Variants in PTGDR2 observed in about 807,000 individuals in gnomAD.
PTGDR2 encodes prostaglandin D2 receptor 2.
For synonymous variants in PTGDR2, 276 were observed against 278.4 expected (o/e 0.99, Z 0.09); for missense variants, 544 against 576.6 (o/e 0.94, Z 0.58).
At chr11:60,854,189 A>T (rs982579037) in intron 1 of PTGDR2, among the ~76,000 whole-genome samples, 4 of 152,216 alleles carry the variant, frequency 2.6e-5, no homozygotes, top group Non-Finnish European at 4.4e-5. Flanking sequence ...GGGCAAGAGG[A>T]TTCTGCTGGC....
At position 60,853,414 on chromosome 11, in the gene PTGDR2, G is replaced by A. The variant is rs1236588022; in HGVS notation, c.309C>T (p.Phe103=). ...VGHSWELGTT[F]CKLHSSIFFL... is the part of the protein sequence containing the mutation. ...AGAAGATGGAGGAGTGCAGTTTGCA[G>A]AAGGTGGTGCCCAGCTCCCACGAGT... Residue 103 remains phenylalanine, a synonymous_variant, in exon 2 of 2, where the codon TTC becomes TTT. Transcript: ENST00000332539. 5.1e-6 allele frequency: 8 copies of A among 1,580,006 alleles called. No individual in the cohort carries two copies. In the African/African-American group the frequency reaches 9.4e-5, roughly 19 times the overall value.
Position 60,852,450 on chromosome 11 carries a change from TGCG to T in PTGDR2, c.*82_*84del, listed in dbSNP as rs2134807222. 1 of 1,166,726 alleles carries T rather than the reference TGCG, an allele frequency of 8.6e-7. No homozygotes were observed. Among genetic ancestry groups the T allele is most frequent in the Admixed American group, 4.2e-5 (1 of 23,636 alleles). 72.3% of individuals were successfully genotyped at this position (1,166,726 alleles called of 1,614,324 possible). On this transcript the variant is annotated 3_prime_UTR_variant, in exon 2 of 2. Transcript: ENST00000332539. ...GTCCCGCCCCTCGGACTTTGATCACTGCGGCAGGAGTCCGGATATCGAATTGAA... is the reference window on the plus strand; with the variant it reads ...GTCCCGCCCCTCGGACTTTGATCACTGCAGGAGTCCGGATATCGAATTGAA...
Position 60,852,159 on chromosome 11 carries a change from C to T in PTGDR2, c.*376G>A. 4.5e-6 allele frequency: 1 copy of T among 221,506 alleles called. No individual in the cohort carries two copies. Among genetic ancestry groups the T allele is most frequent in the Non-Finnish European group, 8.8e-6 (1 of 113,568 alleles). The allele number at this position is 221,506 out of a possible 1,614,324, so 13.7% of individuals were successfully genotyped here. On this transcript the variant is annotated 3_prime_UTR_variant, in exon 2 of 2. Transcript: ENST00000332539. ...CACCCCGTGTGCCCTTCCGACTCCA[C>T]TGCCCTAGAGTGGGAAGTCTATTAT...
In PTGDR2 at chr11:60,852,946, C is replaced by T. The variant is rs1217558920; in HGVS notation, c.777G>A (p.Trp259Ter). Residue 259 changes from tryptophan (W) to a stop codon, truncating the protein, a stop_gained, in exon 2 of 2, where the codon TGG becomes TGA. Coordinates refer to ENST00000332539, the MANE Select transcript of PTGDR2 (RefSeq NM_004778.3). LOFTEE classifies it low-confidence loss of function (END_TRUNC). ...GCAGGCTGAACACGTGGTAGGGCCC[C>T]CAGCAGAGCGCGAAGGCGGCCACGA... Reference protein sequence around the residue: ...AAVVAAFALCWGPYHVFSLLE... With the variant: ...AAVVAAFALC 6.8e-7 allele frequency: 1 copy of T among 1,461,042 alleles called. No individual in the cohort carries two copies. Among genetic ancestry groups the T allele is most frequent in the Non-Finnish European group, 9.1e-7 (1 of 1,103,440 alleles). The allele number at this position is 1,461,042 out of a possible 1,614,324, so 90.5% of individuals were successfully genotyped here.
chr11:60,852,698 C>T lies in PTGDR2; in HGVS notation c.1025G>A (p.Arg342His), dbSNP rs374184117. The T allele has an allele frequency of 9.7e-5, 140 of 1,436,958 alleles. No individual in the cohort carries two copies. The African/African-American group carries it at 1.7e-3, about 17-fold the overall frequency. 89.0% of individuals were successfully genotyped at this position (1,436,958 alleles called of 1,614,324 possible). Reference protein sequence around the residue: ...ELGGAGSSRRRRTSSTARSAS... With the variant: ...ELGGAGSSRRHRTSSTARSAS... ...CGAGCGGGCGGTGGAGGAGGTGCGG[C>T]GGCGGCGGCTGCTTCCCGCGCCACC... is the stretch of plus-strand genomic sequence containing the variant. The change falls in exon 2 of 2, where the codon CGC (arginine) becomes CAC (histidine). Residue 342 changes from arginine to histidine, a missense_variant. Arg to His is a conservative substitution (Grantham distance 29). Coordinates refer to ENST00000332539, the MANE Select transcript of PTGDR2 (RefSeq NM_004778.3).
In PTGDR2 at chr11:60,853,307, G is replaced by A; in HGVS notation, c.416C>T (p.Ala139Val). The change falls in exon 2 of 2, where the codon GCG becomes GTG. Residue 139 changes from alanine to valine, a missense_variant. Ala to Val is a moderately conservative substitution (Grantham distance 64). Transcript: ENST00000332539. ...RCLQVVRPVW[A>V]QNHRTVAAAH... ...CGCGGCCACGGTGCGGTGGTTCTGC[G>A]CCCACACCGGCCGCACCACCTGCAG... is the stretch of plus-strand genomic sequence containing the variant. 1 of 1,611,086 alleles carries A rather than the reference G, an allele frequency of 6.2e-7. No individual in the cohort carries two copies. Among genetic ancestry groups the A allele is most frequent in the Non-Finnish European group, 8.5e-7 (1 of 1,179,010 alleles).
At chr11:60,853,785 A>G in intron 1 of PTGDR2, 54 bp from the exon 2 acceptor site, 2 of 1,399,154 alleles carry the variant, frequency 1.4e-6, no homozygotes, top group Non-Finnish European at 1.9e-6. Flanking sequence ...CCACCGGGGA[A>G]CCAAGAGAGA....
rs775509039 is a variant in PTGDR2 at position 60,853,630 on chromosome 11, G to T, written c.93C>A (p.Ile31=). Residue 31 remains isoleucine (I), a synonymous_variant, in exon 2 of 2, where the codon ATC becomes ATA. Transcript: ENST00000332539. Reference sequence around the variant, plus strand: ...CGTGCAGCAGCACGGCCGCGTGGTCGATGTAGCGGATGCTGGTGTTGCTGT... The same window carrying T: ...CGTGCAGCAGCACGGCCGCGTGGTCTATGTAGCGGATGCTGGTGTTGCTGT... ...QSHSNTSIRY[I]DHAAVLLHGL... is the part of the protein sequence containing the mutation. 1 of 1,556,864 alleles carries T rather than the reference G, an allele frequency of 6.4e-7. No individual in the cohort carries two copies. The highest frequency in any genetic ancestry group is 8.7e-7 in the Non-Finnish European group (1 of 1,149,902).
Position 60,852,762 on chromosome 11 carries a change from T to G in PTGDR2, c.961A>C (p.Thr321Pro). 6.5e-7 allele frequency: 1 copy of G among 1,541,566 alleles called. No homozygotes were observed. Among genetic ancestry groups the G allele is most frequent in the Non-Finnish European group, 8.7e-7 (1 of 1,143,940 alleles). ...TCCACCAGCACGCTCTCCAGCACCG[T>G]GCGCAGCGAGCGCCGCAGCTTGCGC... is the stretch of plus-strand genomic sequence containing the variant. ...MLRKLRRSLRTVLESVLVDDS... is the reference protein window; with the variant it reads ...MLRKLRRSLRPVLESVLVDDS... Residue 321 changes from threonine (T) to proline (P), a missense_variant, in exon 2 of 2, where the codon ACG becomes CCG. Coordinates refer to ENST00000332539, the MANE Select transcript of PTGDR2 (RefSeq NM_004778.3).
In PTGDR2 at chr11:60,852,937, G is replaced by A. The variant is rs1347222151; in HGVS notation, c.786C>T (p.Tyr262=). 4 of 1,495,972 alleles carry A rather than the reference G, an allele frequency of 2.7e-6. No individual in the cohort carries two copies. The highest frequency in any genetic ancestry group is 2.7e-5 in the East Asian group (1 of 36,442). The allele number at this position is 1,495,972 out of a possible 1,614,324, so 92.7% of individuals were successfully genotyped here. A position where few individuals can be genotyped will look rare whatever the true frequency, so the allele number is the denominator to read the frequency against. ...GCGCCTCCAGCAGGCTGAACACGTGGTAGGGCCCCCAGCAGAGCGCGAAGG... is the reference window on the plus strand; with the variant it reads ...GCGCCTCCAGCAGGCTGAACACGTGATAGGGCCCCCAGCAGAGCGCGAAGG... ...VAAFALCWGP[Y]HVFSLLEARA... is the part of the protein sequence containing the mutation. The change falls in exon 2 of 2, where the codon TAC becomes TAT. Residue 262 remains tyrosine, a synonymous_variant. Transcript: ENST00000332539.
rs892604376 is a variant in PTGDR2 at position 60,854,328 on chromosome 11, G to C, written c.-9-597C>G. Among the ~76,000 whole-genome samples the C allele has an allele frequency of 5.9e-5, 9 of 152,334 alleles. No homozygotes were observed. In the East Asian group the frequency reaches 1.5e-3, roughly 26 times the overall value. The stretch of plus-strand genomic sequence containing the variant: ...GTTAGATGTGCCGACCATAAACAGT[G>C]GAACCAGCCCCTCCTCTGATGGTTG... On this transcript the variant is annotated intron_variant, in intron 1 of 1. Transcript: ENST00000332539.
Position 60,853,210 on chromosome 11 carries a change from G to A in PTGDR2, c.513C>T (p.Asp171=), listed in dbSNP as rs1855307221. 2 of 1,612,538 alleles carry A rather than the reference G, an allele frequency of 1.2e-6. No individual in the cohort carries two copies. Among genetic ancestry groups the A allele is most frequent in the Non-Finnish European group, 1.7e-6 (2 of 1,179,900 alleles). The change falls in exon 2 of 2, where the codon GAC becomes GAT. Residue 171 remains aspartate, a synonymous_variant. Coordinates refer to ENST00000332539, the MANE Select transcript of PTGDR2 (RefSeq NM_004778.3). ...TGCGCCCGTCCAGCCGCGAGATGGT[G>A]TCCCGGAACACGAAATAGGGCACCG... ...LNTVPYFVFR[D]TISRLDGRIM...
Position 60,853,372 on chromosome 11 carries a change from G to A in PTGDR2, c.351C>T (p.Ala117=), listed in dbSNP as rs1377940242. The change falls in exon 2 of 2, where the codon GCC becomes GCT. Residue 117 remains alanine (A), a synonymous_variant. Transcript: ENST00000332539. ...HSSIFFLNMF[A]SGFLLSAISL... is the part of the protein sequence containing the mutation. ...TGATGGCGCTGAGCAGGAAGCCGCTGGCGAACATGTTGAGAAAGAAGATGG... is the reference window on the plus strand; with the variant it reads ...TGATGGCGCTGAGCAGGAAGCCGCTAGCGAACATGTTGAGAAAGAAGATGG... The A allele has an allele frequency of 6.2e-7, 1 of 1,600,988 alleles. No homozygotes were observed. Among genetic ancestry groups the A allele is most frequent in the Admixed American group, 1.7e-5 (1 of 58,070 alleles).
rs1484311831 is a variant in PTGDR2 at position 60,851,384 on chromosome 11, C to T, written c.*1151G>A. The T allele has an allele frequency of 6.6e-6, 1 of 152,242 alleles. No homozygotes were observed. The highest frequency in any genetic ancestry group is 6.5e-5 in the Admixed American group (1 of 15,286). The allele number at this position is 152,242 out of a possible 1,614,324, so 9.4% of individuals were successfully genotyped here. ...AGAGCTCAAACACAGCAGTCTCTGA[C>T]CCCAAGTCCACGGCAGGTGGAGGAA... On this transcript the variant is annotated 3_prime_UTR_variant, in exon 2 of 2. Transcript: ENST00000332539.
rs1182239552 is a variant in PTGDR2 at position 60,850,934 on chromosome 11, C to T, written c.*1601G>A. On this transcript the variant is annotated 3_prime_UTR_variant, in exon 2 of 2. Coordinates refer to ENST00000332539, the MANE Select transcript of PTGDR2 (RefSeq NM_004778.3). The stretch of plus-strand genomic sequence containing the variant: ...CCCAGAGAATCTAACTCATGCCTGT[C>T]CAGTCTACAGCAAAAATATTTATTG... The T allele has an allele frequency of 1.3e-5, 2 of 152,408 alleles. No homozygotes were observed. The highest frequency in any genetic ancestry group is 3.8e-4 in the East Asian group (2 of 5,202). The allele number at this position is 152,408 out of a possible 1,614,324, so 9.4% of individuals were successfully genotyped here.
In PTGDR2 at chr11:60,851,621, G is replaced by C. The variant is rs916642627; in HGVS notation, c.*914C>G. On this transcript the variant is annotated 3_prime_UTR_variant, in exon 2 of 2. Coordinates refer to ENST00000332539, the MANE Select transcript of PTGDR2 (RefSeq NM_004778.3). ...AGAAATGACGTGTGCTGTAGTCTTA[G>C]AGTTGCTGTGCCCATTCAACTTCTA... The C allele has an allele frequency of 6.6e-6, 1 of 152,276 alleles. No individual in the cohort carries two copies. Among genetic ancestry groups the C allele is most frequent in the African/African-American group, 2.4e-5 (1 of 41,466 alleles). 9.4% of individuals were successfully genotyped at this position (152,276 alleles called of 1,614,324 possible).
chr11:60,854,811 T>C (rs1855336225), intron 1 of PTGDR2, among the ~76,000 whole-genome samples: 1 of 152,158 alleles, frequency 6.6e-6, no homozygotes. Context: ...AGTGGTTAAA[T>C]AACTGGCCCA....
Position 60,852,408 on chromosome 11 carries a change from A to T in PTGDR2, c.*127T>A. 2.5e-6 allele frequency: 2 copies of T among 812,986 alleles called. No homozygotes were observed. Among genetic ancestry groups the T allele is most frequent in the Non-Finnish European group, 3.3e-6 (2 of 605,826 alleles). 50.4% of individuals were successfully genotyped at this position (812,986 alleles called of 1,614,324 possible). On this transcript the variant is annotated 3_prime_UTR_variant, in exon 2 of 2. Coordinates refer to ENST00000332539, the MANE Select transcript of PTGDR2 (RefSeq NM_004778.3). The stretch of plus-strand genomic sequence containing the variant: ...GATTCAGAGTCTCCCGGGGCGCTTT[A>T]AAATGCAGGTGCCTGGGTCCCGCCC...
Position 60,853,147 on chromosome 11 carries a change from C to T in PTGDR2, c.576G>A (p.Gly192=). 6.2e-7 allele frequency: 1 copy of T among 1,607,784 alleles called. No individual in the cohort carries two copies. Among genetic ancestry groups the T allele is most frequent in the Non-Finnish European group, 8.5e-7 (1 of 1,179,506 alleles). ...AGTTGCACGTGGCATCGCGGTCAGG[C>T]CCCGGGTTCAGGAGCAGCACATTGT... ...CYYNVLLLNP[G]PDRDATCNSR... is the part of the protein sequence containing the mutation. Residue 192 remains glycine, a synonymous_variant, in exon 2 of 2, where the codon GGG becomes GGA. Transcript: ENST00000332539.
Sources: allele counts gnomAD v4.1 joint callset (sites outside exome capture counted in the v4.1 genomes callset), GRCh38; gene constraint gnomAD v4.1.1; transcripts MANE v1.5; gene names NCBI Gene and HGNC (gene_info 2026-07-23, HGNC 2026-07-21).